Variants in LPP observed in about 807,000 individuals in gnomAD.
LPP encodes the protein lipoma-preferred partner.
A neutral mutation model predicts 60.4 loss-of-function variants in LPP; 38 were observed. The observed-to-expected ratio is 0.63, with a 90% confidence interval of 0.49 to 0.83. The LOEUF (loss-of-function observed/expected upper bound fraction) is 0.83. LPP is among the 40% of genes least tolerant of loss of function. LPP has a pLI of 0.00. For missense variants in LPP, 902 were observed against 783.6 expected (o/e 1.15, Z -1.80); for synonymous variants, 328 against 290.8 (o/e 1.13, Z -1.30).
intron 6 of LPP, among the ~76,000 whole-genome samples, chr3:188,576,492 C>T (rs577138117): frequency 3.3e-5 from 5 of 152,250 alleles, no homozygotes; most frequent in South Asian, 2.1e-4. Context: ...GGTAAGGAGA[C>T]GGGCTTGCTC....
At chr3:188,400,869 G>A (rs1312857069) in intron 3 of LPP, among the ~76,000 whole-genome samples, 1 of 152,132 alleles carries the variant, frequency 6.6e-6, no homozygotes, top group African/African-American at 2.4e-5. Flanking sequence ...GCTTATTTTT[G>A]TGTTTACATG....
chr3:188,820,583 A>C (rs1448533942), intron 9 of LPP, among the ~76,000 whole-genome samples: 1 of 152,132 alleles, frequency 6.6e-6, no homozygotes, highest in Non-Finnish European at 1.5e-5. Context: ...GCTTCTCCTC[A>C]CTATAGCCCA....
chr3:188,758,069 A>C (rs1232274255), intron 8 of LPP, among the ~76,000 whole-genome samples: 1 of 151,976 alleles, frequency 6.6e-6, no homozygotes, highest in African/African-American at 2.4e-5. Flanking sequence ...TTTTTCATCA[A>C]ATGTCAAGAC....
chr3:188,734,839 C>CTGAT (rs1721932594), intron 8 of LPP, among the ~76,000 whole-genome samples: 1 of 152,180 alleles, frequency 6.6e-6, no homozygotes, highest in African/African-American at 2.4e-5. Context: ...AGGAGGAACA[C>CTGAT]TGATAGGTTT....
chr3:188,386,191 A>G (rs9875464), intron 3 of LPP, among the ~76,000 whole-genome samples: 3,417 of 151,596 alleles, frequency 0.023, 67 homozygotes, highest in Non-Finnish European at 0.035. Flanking sequence ...GATCTCACCA[A>G]TTGCTAGAAG....
chr3:188,167,204 G>C (rs1720221455), intron 1 of LPP, among the ~76,000 whole-genome samples: 1 of 152,168 alleles, frequency 6.6e-6, no homozygotes, highest in African/African-American at 2.4e-5. Flanking sequence ...AAGCCTCAAA[G>C]CCTGCCATGT....
At chr3:188,454,082 A>G (rs1386828387) in intron 4 of LPP, among the ~76,000 whole-genome samples, 2 of 152,206 alleles carry the variant, frequency 1.3e-5, no homozygotes, top group East Asian at 3.8e-4. Context: ...GGCTGTCATA[A>G]AATTTCTGCA....
intron 3 of LPP, among the ~76,000 whole-genome samples, chr3:188,405,192 T>G (rs1783161628): frequency 1.3e-5 from 2 of 152,224 alleles, no homozygotes; most frequent in Admixed American, 1.3e-4. Context: ...GTCCCAGACG[T>G]TGGGGCAACC....
intron 2 of LPP, among the ~76,000 whole-genome samples, chr3:188,245,422 A>T (rs1478977018): frequency 3.3e-5 from 5 of 151,896 alleles, no homozygotes; most frequent in Admixed American, 3.3e-4. Flanking sequence ...GTGGGCAGGG[A>T]TGGTATTTTC....
chr3:188,459,636 A>G (rs946737443), intron 4 of LPP, among the ~76,000 whole-genome samples: 16 of 152,178 alleles, frequency 1.1e-4, no homozygotes, highest in African/African-American at 3.6e-4. Context: ...ATAATTCTCT[A>G]TGTATGGTTT....
At chr3:188,439,200 T>C (rs150003257) in intron 4 of LPP, among the ~76,000 whole-genome samples, 2,081 of 152,298 alleles carry the variant, frequency 0.014, 53 homozygotes, top group African/African-American at 0.049. Context: ...GTTGTGGTAA[T>C]TGGTGTTTCC....
At chr3:188,242,796 C>T (rs963467879) in intron 2 of LPP, among the ~76,000 whole-genome samples, 1 of 152,140 alleles carries the variant, frequency 6.6e-6, no homozygotes, top group African/African-American at 2.4e-5. Flanking sequence ...TCCCCTTTCT[C>T]CTTAGTTTGT....
At chr3:188,795,684 A>T (rs1294295876) in intron 9 of LPP, among the ~76,000 whole-genome samples, 5 of 151,946 alleles carry the variant, frequency 3.3e-5, no homozygotes, top group African/African-American at 1.2e-4. Context: ...AGTCTCTGTC[A>T]TGCTTTCATC....
intron 7 of LPP, among the ~76,000 whole-genome samples, chr3:188,620,169 T>A (rs1845551580): frequency 1.3e-5 from 2 of 152,194 alleles, no homozygotes; most frequent in South Asian, 4.1e-4. Flanking sequence ...TTAAATTAAA[T>A]GGCGATTAAA....
At chr3:188,322,026 C>T (rs1452348586) in intron 2 of LPP, among the ~76,000 whole-genome samples, 1 of 152,200 alleles carries the variant, frequency 6.6e-6, no homozygotes, top group African/African-American at 2.4e-5. Flanking sequence ...CAAGATGCTT[C>T]ACCTCATCAC....
chr3:188,827,913 C>A (rs1756006860), intron 9 of LPP, among the ~76,000 whole-genome samples: 1 of 152,186 alleles, frequency 6.6e-6, no homozygotes, highest in Admixed American at 6.5e-5. Context: ...GTTTTCCATT[C>A]TCCTACCTTC....
chr3:188,613,285 T>TCTATAC lies in LPP; in HGVS notation c.1113+3446_1113+3447insCCTATA, dbSNP rs1233336173. ...ACCTATATCTATATCTATATCTATA[T>TCTATAC]CTATATCTATATCTATATCTATATC... On this transcript the variant is annotated intron_variant, in intron 7 of 11. Transcript: ENST00000617246. 6.3e-5 allele frequency among the ~76,000 whole-genome samples: 9 copies of TCTATAC among 142,296 alleles called. No homozygotes were observed. The South Asian group carries it at 1.1e-3, about 18-fold the overall frequency. The allele number at this position is 142,296 out of a possible 152,430, so 93.4% of individuals were successfully genotyped here. A position where few individuals can be genotyped will look rare whatever the true frequency, so the allele number is the denominator to read the frequency against.
chr3:188,640,942 C>T (rs1427918752), intron 7 of LPP, among the ~76,000 whole-genome samples: 2 of 152,186 alleles, frequency 1.3e-5, no homozygotes, highest in Admixed American at 6.5e-5. Flanking sequence ...TTTTCAGAAA[C>T]AGTAGAACAT....
In LPP at chr3:188,182,574, T is replaced by TA. The variant is rs1254193398; in HGVS notation, c.-190+28324dup. 2.0e-5 allele frequency among the ~76,000 whole-genome samples: 3 copies of TA among 152,104 alleles called. No individual in the cohort carries two copies. Among genetic ancestry groups the TA allele is most frequent in the Non-Finnish European group, 4.4e-5 (3 of 68,028 alleles). ...ATAGATAGAGGAGGGAGCAAATATT[T>TA]AATTAGCACCTGCTATGTGCCAAGT... On this transcript the variant is annotated intron_variant, in intron 1 of 11. Transcript: ENST00000617246. This position sits in a 1 kb window ranked among gnomAD's most constrained non-coding sequence, Gnocchi z 4.4.
Sources: allele counts gnomAD v4.1 joint callset (sites outside exome capture counted in the v4.1 genomes callset), GRCh38; gene constraint gnomAD v4.1.1; non-coding constraint Gnocchi (gnomAD v3.1); transcripts MANE v1.5; gene names NCBI Gene and HGNC (gene_info 2026-07-23, HGNC 2026-07-21).